Variants in NAV3 observed in about 807,000 individuals in gnomAD.
NAV3 encodes the protein pore membrane and/or filament interacting like protein 1.
Under a neutral mutation model 244.7 loss-of-function variants are expected in NAV3, and 87 were observed. The ratio of observed to expected loss-of-function variants is 0.36; its 90% CI spans 0.30 to 0.42. NAV3 has a LOEUF of 0.42. Among genes scored for constraint, NAV3 ranks in the 20% least tolerant of loss-of-function variants. NAV3 has a pLI of 1.00. For missense variants in NAV3, 2,663 were observed against 2,893.3 expected, an observed-to-expected ratio of 0.92 and a Z score of 1.83; for synonymous variants, 1,126 against 1,042.2, an observed-to-expected ratio of 1.08 and a Z score of -1.55.
At chr12:77,661,206 T>C (rs775656972) in intron 2 of NAV3, among the ~76,000 whole-genome samples, 1 of 152,186 alleles carries the variant, frequency 6.6e-6, no homozygotes. Flanking sequence ...CCGCCAGCCA[T>C]GTCTGAGAGT....
intron 1 of NAV3, among the ~76,000 whole-genome samples, chr12:77,867,070 G>A (rs1880156397): frequency 6.6e-6 from 1 of 152,206 alleles, no homozygotes; most frequent in East Asian, 1.9e-4. Context: ...CTGAGTTACT[G>A]TAGTTGATAT....
Position 77,907,534 on chromosome 12 carries a change from T to A in NAV3, c.244-32785T>A, listed in dbSNP as rs568312862. On this transcript the variant is annotated intron_variant, in intron 1 of 39. Transcript: ENST00000397909. The stretch of plus-strand genomic sequence containing the variant: ...TCACTAGCTATCTCTATCACATGAA[T>A]GGAAAAATGCATGAACACTTTTAGG... 1.6e-4 allele frequency among the ~76,000 whole-genome samples: 24 copies of A among 152,240 alleles called. 1 individual carries two copies. The highest frequency in any genetic ancestry group is 5.3e-4 in the African/African-American group (22 of 41,566).
intron 2 of NAV3, among the ~76,000 whole-genome samples, chr12:77,660,533 T>A (rs920841738): frequency 1.3e-5 from 2 of 152,164 alleles, no homozygotes; most frequent in African/African-American, 4.8e-5. Flanking sequence ...AAATAGTTTT[T>A]TACAGTTTAT....
intron 2 of NAV3, among the ~76,000 whole-genome samples, chr12:77,714,207 T>C (rs1368796996): frequency 6.6e-6 from 1 of 152,140 alleles, no homozygotes; most frequent in Non-Finnish European, 1.5e-5. Context: ...CAGATCTCAG[T>C]AACTTAGAAA....
intron 7 of NAV3, among the ~76,000 whole-genome samples, chr12:78,005,015 C>G (rs1380763544): frequency 3.9e-5 from 6 of 152,140 alleles, no homozygotes; most frequent in Non-Finnish European, 8.8e-5. Flanking sequence ...ACTTGTTTCT[C>G]TTTTCTAAGG....
At chr12:77,826,864 T>C (rs1230691145), upstream of NAV3, among the ~76,000 whole-genome samples, 3 of 152,186 alleles carry the variant, frequency 2.0e-5, no homozygotes, top group Non-Finnish European at 4.4e-5. Context: ...CACATTGAAT[T>C]ATTTCCTTAT....
intron 2 of NAV3, among the ~76,000 whole-genome samples, chr12:77,655,330 G>A (rs964565078): frequency 1.2e-4 from 19 of 152,190 alleles, no homozygotes; most frequent in Admixed American, 2.6e-4. Flanking sequence ...AGGAGCCGAT[G>A]CAATCAACTG....
At chr12:77,590,409 A>G (rs946391110) in intron 2 of NAV3, among the ~76,000 whole-genome samples, 1 of 152,234 alleles carries the variant, frequency 6.6e-6, no homozygotes, top group Non-Finnish European at 1.5e-5. Context: ...AAACTAACAC[A>G]GGAACATAAA....
intron 1 of NAV3, among the ~76,000 whole-genome samples, chr12:77,909,162 G>A (rs575536653): frequency 1.9e-4 from 29 of 152,004 alleles, no homozygotes; most frequent in Non-Finnish European, 3.7e-4. Context: ...GTTTTTGCTA[G>A]ATTAACATTA....
intron 9 of NAV3, among the ~76,000 whole-genome samples, chr12:78,025,726 G>A (rs1566031180): frequency 6.6e-6 from 1 of 151,856 alleles, no homozygotes; most frequent in Admixed American, 6.6e-5. Flanking sequence ...CTGGGAGTGA[G>A]TGAATTTTCA....
rs142026223 is a variant in NAV3, at chr12:77,619,900, C to T, written c.72+47634C>T. ...TCTCTCTCACACACACACACACACACAGACAGTCTTTGGAAATTTTCAAAT... is the reference window on the plus strand; with the variant it reads ...TCTCTCTCACACACACACACACACATAGACAGTCTTTGGAAATTTTCAAAT... On this transcript the variant is annotated intron_variant, in intron 2 of 8. Coordinates refer to the NAV3 transcript ENST00000550042. Among the ~76,000 whole-genome samples the T allele has an allele frequency of 4.2e-3, 646 of 152,068 alleles. 5 individuals carry two copies. The highest frequency in any genetic ancestry group is 0.015 in the African/African-American group (622 of 41,478).
At chr12:77,962,049 C>G (rs575818330) in intron 3 of NAV3, among the ~76,000 whole-genome samples, 1 of 152,010 alleles carries the variant, frequency 6.6e-6, no homozygotes, top group African/African-American at 2.4e-5. Flanking sequence ...TTTGATAGAG[C>G]TCATCTTTCC....
chr12:78,093,192 T>C (rs1954055810), intron 12 of NAV3, among the ~76,000 whole-genome samples: 1 of 152,224 alleles, frequency 6.6e-6, no homozygotes, highest in Non-Finnish European at 1.5e-5. Context: ...GTGACAGTCT[T>C]TACTGTAAGC....
intron 2 of NAV3, among the ~76,000 whole-genome samples, chr12:77,738,083 C>T (rs1163747388): frequency 2.0e-5 from 3 of 152,130 alleles, no homozygotes; most frequent in Non-Finnish European, 4.4e-5. Context: ...TTAACTTTAG[C>T]TTCTTTCTGT....
chr12:78,158,311 A>G (rs984542852), intron 22 of NAV3, among the ~76,000 whole-genome samples: 1 of 152,138 alleles, frequency 6.6e-6, no homozygotes, highest in African/African-American at 2.4e-5. Context: ...GTTTGAGATA[A>G]TGTACTTGCA....
chr12:77,910,540 A>G (rs910497967), intron 1 of NAV3, among the ~76,000 whole-genome samples: 1 of 152,116 alleles, frequency 6.6e-6, no homozygotes, highest in Admixed American at 6.6e-5. Context: ...CTGAAAAGGT[A>G]TCATTACTTA....
intron 36 of NAV3, 103 bp from the exon 37 acceptor site, chr12:78,199,232 T>C (rs754547726): frequency 9.4e-6 from 9 of 956,678 alleles, no homozygotes; most frequent in South Asian, 3.1e-5. Context: ...TATTACTTTC[T>C]ATTGGAAAGT....
At chr12:78,163,188 C>T (rs1310121602) in intron 23 of NAV3, among the ~76,000 whole-genome samples, 1 of 151,728 alleles carries the variant, frequency 6.6e-6, no homozygotes. Context: ...TCAGCAATCA[C>T]ATGGCATTAA....
chr12:77,953,529 A>C (rs1396133276), intron 3 of NAV3, among the ~76,000 whole-genome samples: 1 of 152,218 alleles, frequency 6.6e-6, no homozygotes, highest in Non-Finnish European at 1.5e-5. Context: ...GGACCTAATT[A>C]ATAAACGTAC....
Sources: gnomAD v4.1 joint callset for allele counts (sites outside exome capture counted in the v4.1 genomes callset) on GRCh38, gnomAD v4.1.1 for gene constraint, MANE v1.5 for transcripts, NCBI Gene and HGNC (gene_info 2026-07-23, HGNC 2026-07-21) for gene names.